The following RNF216 variants were observed in gnomAD, a reference collection of about 807,000 sequenced individuals.
RNF216 encodes the protein ring finger protein 216, also known as E3 ubiquitin-protein ligase RNF216.
Under a neutral mutation model 110.8 loss-of-function variants are expected in RNF216, and 72 were observed. The ratio of observed to expected loss-of-function variants is 0.65; its 90% CI spans 0.54 to 0.79. RNF216 has a LOEUF of 0.79. Among genes scored for constraint, RNF216 ranks in the 30% least tolerant of loss-of-function variants. RNF216 has a pLI of 0.00. For synonymous variants in RNF216, 495 were observed against 407.5 expected (o/e 1.21, Z -2.59); for missense variants, 1,342 against 1,141.2 (o/e 1.18, Z -2.54).
chr7:5,711,295 A>T (rs1317262061), intron 13 of RNF216, among the ~76,000 whole-genome samples: 1 of 152,228 alleles, frequency 6.6e-6, no homozygotes, highest in Non-Finnish European at 1.5e-5. Flanking sequence ...AAACAGTCAA[A>T]TAAATAACCT....
chr7:5,727,962 T>G, intron 7 of RNF216, among the ~76,000 whole-genome samples: 1 of 151,938 alleles, frequency 6.6e-6, no homozygotes. Context: ...AAATCCTATC[T>G]ACAGTCTGTA....
intron 5 of RNF216, among the ~76,000 whole-genome samples, chr7:5,735,302 GC>G (rs1794330828): frequency 6.6e-6 from 1 of 152,116 alleles, no homozygotes. Context: ...CAAGATATGA[GC>G]TTAGAGTCAA....
intron 2 of RNF216, chr7:5,760,332 C>T (rs971407966): frequency 3.5e-5 from 8 of 230,310 alleles, no homozygotes; most frequent in Admixed American, 9.9e-5. Context: ...GCCTGAACAA[C>T]GTGGAGAAAC....
At chr7:5,708,709 C>CT (rs1562414063) in intron 13 of RNF216, among the ~76,000 whole-genome samples, 1 of 152,168 alleles carries the variant, frequency 6.6e-6, no homozygotes, top group Non-Finnish European at 1.5e-5. Context: ...TCTGAGGTAT[C>CT]ACAGGCCCTC....
At chr7:5,693,847 TAG>T (rs1791474776) in intron 13 of RNF216, among the ~76,000 whole-genome samples, 1 of 152,102 alleles carries the variant, frequency 6.6e-6, no homozygotes, top group African/African-American at 2.4e-5. Flanking sequence ...TGGACGCGGG[TAG>T]AGACTCTCTG....
In RNF216 at chr7:5,741,479, T is replaced by C. The variant is rs555531536; in HGVS notation, c.538A>G (p.Ile180Val). Residue 180 changes from isoleucine (I) to valine (V), a missense_variant, in exon 4 of 17, where the codon ATC becomes GTC. Transcript: ENST00000389902. ...VNPRSEQKVIILEEGSLLYTE... is the reference protein window; with the variant it reads ...VNPRSEQKVIVLEEGSLLYTE... ...TAAAGAAGGCTACCTTCTTCCAAGA[T>C]GATGACTTTCTGCTCTGATCTGGGG... 1.5e-5 allele frequency: 24 copies of C among 1,614,226 alleles called. No homozygotes were observed. In the South Asian group the frequency reaches 1.8e-4, roughly 12 times the overall value.
chr7:5,689,580 A>T (rs939329909), intron 13 of RNF216, among the ~76,000 whole-genome samples: 1 of 152,198 alleles, frequency 6.6e-6, no homozygotes, highest in African/African-American at 2.4e-5. Flanking sequence ...ACAAGTTTTT[A>T]AAGCATAAGA....
chr7:5,754,510 A>T (rs1795511819), intron 2 of RNF216, among the ~76,000 whole-genome samples: 1 of 152,026 alleles, frequency 6.6e-6, no homozygotes, highest in South Asian at 2.1e-4. Context: ...CTCCTCACTT[A>T]GCCATTTCAG....
chr7:5,688,965 C>G (rs1201593877), intron 13 of RNF216, among the ~76,000 whole-genome samples: 1 of 152,130 alleles, frequency 6.6e-6, no homozygotes, highest in African/African-American at 2.4e-5. Flanking sequence ...ATTCACAAAA[C>G]TAGGTAAAGG....
intron 14 of RNF216, among the ~76,000 whole-genome samples, chr7:5,644,752 G>A (rs907725443): frequency 8.6e-5 from 13 of 151,998 alleles, no homozygotes; most frequent in Admixed American, 5.2e-4. Context: ...CTATCTGCCC[G>A]ACCTTGGCCT....
At chr7:5,629,316 A>G (rs1016494335) in intron 15 of RNF216, among the ~76,000 whole-genome samples, 3 of 151,898 alleles carry the variant, frequency 2.0e-5, no homozygotes, top group East Asian at 3.9e-4. Flanking sequence ...AGCTCTACAA[A>G]ATTTTAAAAA....
chr7:5,722,551 C>G (rs1188796911), intron 8 of RNF216, among the ~76,000 whole-genome samples: 1 of 151,590 alleles, frequency 6.6e-6, no homozygotes, highest in South Asian at 2.1e-4. Flanking sequence ...CCACCATGCC[C>G]GGCTAATTTT....
chr7:5,669,630 C>T lies in RNF216; in HGVS notation c.2062-17120G>A, dbSNP rs529551584. 3.3e-5 allele frequency among the ~76,000 whole-genome samples: 5 copies of T among 152,272 alleles called. No homozygotes were observed. In the East Asian group the frequency reaches 5.8e-4, roughly 18 times the overall value. ...TGTGTTGGCCAGGTGCAGTGGTTCA[C>T]GCCTGTAATCCCAGCACTTTGGGAG... On this transcript the variant is annotated intron_variant, in intron 13 of 16. Transcript: ENST00000389902.
At chr7:5,709,358 A>G (rs1792511580) in intron 13 of RNF216, among the ~76,000 whole-genome samples, 1 of 152,146 alleles carries the variant, frequency 6.6e-6, no homozygotes, top group South Asian at 2.1e-4. Flanking sequence ...AACTCTGGAG[A>G]GCCAGCGTCA....
At chr7:5,755,582 A>C (rs1795593081) in intron 2 of RNF216, among the ~76,000 whole-genome samples, 1 of 152,184 alleles carries the variant, frequency 6.6e-6, no homozygotes, top group South Asian at 2.1e-4. Flanking sequence ...TTTTGAGTAT[A>C]TATTCTTCTC....
intron 13 of RNF216, among the ~76,000 whole-genome samples, chr7:5,674,610 A>G (rs1790148107): frequency 6.6e-6 from 1 of 152,030 alleles, no homozygotes; most frequent in Non-Finnish European, 1.5e-5. Flanking sequence ...CCTGGGCAAC[A>G]GAGACTCTGT....
intron 13 of RNF216, among the ~76,000 whole-genome samples, chr7:5,706,661 A>G (rs1238384014): frequency 1.3e-5 from 2 of 152,218 alleles, no homozygotes; most frequent in African/African-American, 4.8e-5. Context: ...GCTACTGTGA[A>G]TAATGCTGCA....
chr7:5,690,103 C>T (rs185487190), intron 13 of RNF216, among the ~76,000 whole-genome samples: 4 of 151,790 alleles, frequency 2.6e-5, no homozygotes, highest in Non-Finnish European at 4.4e-5. Context: ...CTTAGGCGGG[C>T]GGATCACCTG....
At chr7:5,689,726 G>A (rs901767837) in intron 13 of RNF216, among the ~76,000 whole-genome samples, 2 of 152,124 alleles carry the variant, frequency 1.3e-5, no homozygotes, top group East Asian at 1.9e-4. Flanking sequence ...GGCCGAGGCA[G>A]GTGGATCACC....
Sources: gnomAD v4.1 joint callset for allele counts (sites outside exome capture counted in the v4.1 genomes callset) on GRCh38, gnomAD v4.1.1 for gene constraint, MANE v1.5 for transcripts, NCBI Gene and HGNC (gene_info 2026-07-23, HGNC 2026-07-21) for gene names.